Variants in ICA1 observed in about 807,000 individuals in gnomAD.
ICA1 encodes the protein 69 kDa islet cell autoantigen.
In ICA1, 40 loss-of-function variants were observed where a neutral mutation model predicts 71.0. The ratio of observed to expected loss-of-function variants is 0.56; its 90% confidence interval spans 0.44 to 0.73. The LOEUF is 0.73. ICA1 is among the 30% of genes least tolerant of loss of function. ICA1 has a pLI of 0.00. For synonymous variants in ICA1, 207 were observed against 209.5 expected (o/e 0.99, Z 0.10); for missense variants, 578 against 576.5 (o/e 1.00, Z -0.03).
intron 1 of ICA1, among the ~76,000 whole-genome samples, chr7:8,236,471 C>T (rs1801880693): frequency 6.6e-6 from 1 of 152,108 alleles, no homozygotes; most frequent in Non-Finnish European, 1.5e-5. Flanking sequence ...CTTTGTGAAG[C>T]TAGGTGGTGA....
At chr7:8,244,192 T>TTTGAA (rs1213196200) in intron 1 of ICA1, among the ~76,000 whole-genome samples, 9 of 152,204 alleles carry the variant, frequency 5.9e-5, no homozygotes, top group Non-Finnish European at 1.3e-4. Flanking sequence ...AACAGCATGG[T>TTTGAA]ACTGGTATGA....
In ICA1 at chr7:8,113,891, G is replaced by A. The variant is rs3213702; in HGVS notation, c.*32C>T. 0.066 allele frequency: 107,213 copies of A among 1,612,528 alleles called. 4,088 individuals carry two copies. The highest frequency in any genetic ancestry group is 0.075 in the Non-Finnish European group (87,820 of 1,178,696). On this transcript the variant is annotated 3_prime_UTR_variant, in exon 14 of 14. Transcript: ENST00000402384. The surrounding 1 kb of genome is among the most constrained non-coding windows in gnomAD (Gnocchi z 4.2). ...AGCCCCCAGGGGAGCTGCTGGGGGC[G>A]GCATGTGAGTGCCCTCCCGAAGGGT...
At chr7:8,149,463 C>T (rs938267108) in intron 8 of ICA1, among the ~76,000 whole-genome samples, 1 of 152,312 alleles carries the variant, frequency 6.6e-6, no homozygotes, top group African/African-American at 2.4e-5. Flanking sequence ...ATCAGCGTGA[C>T]AGAGGAAACT....
chr7:8,161,561 C>T (rs1354069789), intron 6 of ICA1, among the ~76,000 whole-genome samples: 2 of 152,320 alleles, frequency 1.3e-5, no homozygotes, highest in East Asian at 1.9e-4. Context: ...CAAAACAATG[C>T]CAGCCTGTTT....
intron 13 of ICA1, among the ~76,000 whole-genome samples, chr7:8,120,283 G>A (rs1191832140): frequency 6.6e-6 from 1 of 152,164 alleles, no homozygotes; most frequent in Admixed American, 6.5e-5. Flanking sequence ...CGCATGAAGA[G>A]ATAAAATAGT....
intron 5 of ICA1, among the ~76,000 whole-genome samples, chr7:8,220,363 G>A (rs1796672977): frequency 6.6e-6 from 1 of 152,176 alleles, no homozygotes; most frequent in Non-Finnish European, 1.5e-5. Flanking sequence ...GAACAACCAT[G>A]TACCATGCTG....
rs1232585976 is a variant in ICA1 at position 8,234,956 on chromosome 7, G to C, written c.17+954C>G. On this transcript the variant is annotated intron_variant, in intron 2 of 13. Transcript: ENST00000402384. This position sits in a 1 kb window ranked among gnomAD's most constrained non-coding sequence, Gnocchi z 4.5. ...TGAGGTGGGCAGATCATGAGGTCAA[G>C]AGATCGAGACCATCCTGGCCAACAT... 5.9e-5 allele frequency among the ~76,000 whole-genome samples: 9 copies of C among 152,124 alleles called. No homozygotes were observed. Among genetic ancestry groups the C allele is most frequent in the Non-Finnish European group, 4.4e-5 (3 of 68,034 alleles).
At position 8,141,996 on chromosome 7, in the gene ICA1, T is replaced by G. The variant is rs762290377; in HGVS notation, c.903-179A>C. 30 of 1,498,086 alleles carry G rather than the reference T, an allele frequency of 2.0e-5. No individual in the cohort carries two copies. The South Asian group carries it at 3.6e-4, about 18-fold the overall frequency. The allele number at this position is 1,498,086 out of a possible 1,614,324, so 92.8% of individuals were successfully genotyped here. On this transcript the variant is annotated intron_variant, in intron 9 of 13. Transcript: ENST00000402384. ...GCCAATTTGCTGGCCTTCTTTCCCT[T>G]TCTGTAGCATCTTAATATCTGAATT...
chr7:8,156,925 G>A (rs1328854544), intron 8 of ICA1, 191 bp downstream of exon 8: 2 of 1,516,224 alleles, frequency 1.3e-6, no homozygotes, highest in African/African-American at 3.0e-5. Flanking sequence ...GAATCCTGAT[G>A]CAGTAAAAAA....
chr7:8,222,049 A>G lies in ICA1; in HGVS notation c.257-651T>C, dbSNP rs952192197. Among the ~76,000 whole-genome samples the G allele has an allele frequency of 6.6e-6, 1 of 152,128 alleles. No individual in the cohort carries two copies. The highest frequency in any genetic ancestry group is 2.4e-5 in the African/African-American group (1 of 41,420). On this transcript the variant is annotated intron_variant, in intron 4 of 13. Coordinates refer to ENST00000402384, the MANE Select transcript of ICA1 (RefSeq NM_001136020.3). This position sits in a 1 kb window ranked among gnomAD's most constrained non-coding sequence, Gnocchi z 4.8. ...TATTGGTGGGTAAGTGATTTGGTGC[A>G]AGCTTTCTGCAGACTGATTTGACGG...
chr7:8,240,007 A>G (rs1007613907), intron 1 of ICA1, among the ~76,000 whole-genome samples: 2 of 152,210 alleles, frequency 1.3e-5, no homozygotes, highest in Non-Finnish European at 2.9e-5. Context: ...ACTTCTGCAG[A>G]CTTAAACGTC....
chr7:8,175,919 T>A (rs1780478497), intron 6 of ICA1, among the ~76,000 whole-genome samples: 1 of 152,202 alleles, frequency 6.6e-6, no homozygotes. Flanking sequence ...CTCCCTTGTT[T>A]ATCCCCCGCT....
intron 6 of ICA1, among the ~76,000 whole-genome samples, chr7:8,194,470 C>G (rs1324667697): frequency 6.6e-6 from 1 of 152,182 alleles, no homozygotes; most frequent in East Asian, 1.9e-4. Flanking sequence ...AAGGCTATCT[C>G]TCCTTTTAAA....
At chr7:8,152,806 C>T (rs1254633482) in intron 8 of ICA1, among the ~76,000 whole-genome samples, 50 of 150,390 alleles carry the variant, frequency 3.3e-4, no homozygotes, top group African/African-American at 6.6e-4. Context: ...TCCACCACCA[C>T]CACCACCATC....
chr7:8,208,226 T>C (rs913212695), intron 6 of ICA1, among the ~76,000 whole-genome samples: 8 of 152,210 alleles, frequency 5.3e-5, no homozygotes, highest in Non-Finnish European at 1.0e-4. Flanking sequence ...ACCATTATTT[T>C]TGCAGTCACC....
chr7:8,142,539 GC>G, intron 9 of ICA1, among the ~76,000 whole-genome samples: 2 of 152,298 alleles, frequency 1.3e-5, no homozygotes, highest in Admixed American at 1.3e-4. Flanking sequence ...AAAGGTGAAT[GC>G]TTTATTTTGA....
chr7:8,236,091 G>A, intron 1 of ICA1, 86 bp from the exon 2 acceptor site: 2 of 672,480 alleles, frequency 3.0e-6, no homozygotes, highest in South Asian at 4.2e-5. Context: ...TTCAACCTAA[G>A]CCATTTCTAG....
rs978314294 is a variant in ICA1, at chr7:8,226,689, T to C, written c.256+1912A>G. Among the ~76,000 whole-genome samples, 1 of 152,224 alleles carries C rather than the reference T, an allele frequency of 6.6e-6. No homozygotes were observed. The highest frequency in any genetic ancestry group is 1.5e-5 in the Non-Finnish European group (1 of 68,042). ...CTCCTCCTTCCTGTCTCTGCTGAGA[T>C]GGCATGGCTCATGTGAGCTTAGCGG... On this transcript the variant is annotated intron_variant, in intron 4 of 13. Coordinates refer to ENST00000402384, the MANE Select transcript of ICA1 (RefSeq NM_001136020.3). This position sits in a 1 kb window ranked among gnomAD's most constrained non-coding sequence, Gnocchi z 4.4.
chr7:8,241,428 G>A (rs1803836998), intron 1 of ICA1, among the ~76,000 whole-genome samples: 1 of 152,186 alleles, frequency 6.6e-6, no homozygotes, highest in Middle Eastern at 3.2e-3. Flanking sequence ...ACTAAACATG[G>A]AAAGGAATGA....
Sources: allele counts gnomAD v4.1 joint callset (sites outside exome capture counted in the v4.1 genomes callset), GRCh38; gene constraint gnomAD v4.1.1; non-coding constraint Gnocchi (gnomAD v3.1); transcripts MANE v1.5; gene names NCBI Gene and HGNC (gene_info 2026-07-23, HGNC 2026-07-21).